PCDH15: variants seen among roughly 807,000 people sequenced by gnomAD.
PCDH15 encodes protocadherin related 15.
In PCDH15, 129 loss-of-function variants were observed where a neutral mutation model predicts 178.5. That is an observed-to-expected ratio of 0.72 (90% CI 0.63 to 0.84). The LOEUF (loss-of-function observed/expected upper bound fraction) is 0.84. PCDH15 is among the 40% of genes least tolerant of loss of function. The pLI is 0.00. For synonymous variants in PCDH15, 800 were observed against 732.0 expected (o/e 1.09, Z -1.50); for missense variants, 2,230 against 2,099.9 (o/e 1.06, Z -1.21).
intron 2 of PCDH15, among the ~76,000 whole-genome samples, chr10:55,561,818 G>A (rs976111671): frequency 2.0e-5 from 3 of 151,930 alleles, no homozygotes; most frequent in African/African-American, 7.2e-5. Context: ...AAAGAAAGTA[G>A]CATGGTTAGT....
At chr10:54,394,399 G>A (rs549845245) in intron 3 of PCDH15, among the ~76,000 whole-genome samples, 8 of 152,062 alleles carry the variant, frequency 5.3e-5, no homozygotes, top group African/African-American at 7.2e-5. Flanking sequence ...AAACCTGGGC[G>A]TCCAGGGGAG....
chr10:54,107,479 C>T (rs960254163), intron 15 of PCDH15, among the ~76,000 whole-genome samples: 6 of 152,128 alleles, frequency 3.9e-5, no homozygotes, highest in Non-Finnish European at 8.8e-5. Context: ...GTGGCAGCAA[C>T]GTGCACAGCA....
At chr10:54,694,278 TA>T (rs2095181052) in intron 1 of PCDH15, among the ~76,000 whole-genome samples, 1 of 152,190 alleles carries the variant, frequency 6.6e-6, no homozygotes, top group Non-Finnish European at 1.5e-5. Flanking sequence ...AATGTTCAGA[TA>T]AATTTATAGA....
chr10:55,092,581 T>C (rs929088287), intron 2 of PCDH15, among the ~76,000 whole-genome samples: 4 of 151,954 alleles, frequency 2.6e-5, no homozygotes, highest in Admixed American at 6.6e-5. Flanking sequence ...CACATTTGAA[T>C]AAACTGCCTT....
intron 2 of PCDH15, among the ~76,000 whole-genome samples, chr10:55,383,838 A>G (rs928903513): frequency 5.3e-5 from 8 of 152,144 alleles, no homozygotes; most frequent in Admixed American, 2.0e-4. Flanking sequence ...TTTTCCTCTT[A>G]TATCTGAAGA....
chr10:55,550,387 A>G (rs1431003896), intron 2 of PCDH15, among the ~76,000 whole-genome samples: 1 of 152,124 alleles, frequency 6.6e-6, no homozygotes, highest in Non-Finnish European at 1.5e-5. Context: ...CCTAGGGACA[A>G]TAAGAGATTT....
At chr10:55,083,267 T>C (rs558690707) in intron 2 of PCDH15, among the ~76,000 whole-genome samples, 2 of 151,980 alleles carry the variant, frequency 1.3e-5, no homozygotes, top group South Asian at 4.1e-4. Flanking sequence ...TTAATCAGCA[T>C]GATACCTCAT....
chr10:54,327,259 C>T (rs1938332556), intron 7 of PCDH15, among the ~76,000 whole-genome samples: 1 of 151,864 alleles, frequency 6.6e-6, no homozygotes, highest in Admixed American at 6.6e-5. Context: ...TCTACCTTTT[C>T]TTCACATCTT....
At chr10:55,415,111 CTT>C (rs1455152409) in intron 2 of PCDH15, among the ~76,000 whole-genome samples, 1 of 151,468 alleles carries the variant, frequency 6.6e-6, no homozygotes, top group African/African-American at 2.4e-5. Context: ...TAACAAGAGA[CTT>C]TATTATGAAA....
At chr10:54,934,783 T>C (rs531027382) in intron 2 of PCDH15, among the ~76,000 whole-genome samples, 2 of 151,922 alleles carry the variant, frequency 1.3e-5, no homozygotes, top group African/African-American at 4.8e-5. Context: ...TGCACACGTA[T>C]GTTTATTGCG....
At chr10:55,020,095 C>T (rs1425856047) in intron 2 of PCDH15, among the ~76,000 whole-genome samples, 1 of 147,778 alleles carries the variant, frequency 6.8e-6, no homozygotes, top group Non-Finnish European at 1.5e-5. Context: ...TTCTCCCTCT[C>T]TCTATATATA....
At chr10:55,309,468 G>A (rs1843520507) in intron 1 of PCDH15, among the ~76,000 whole-genome samples, 1 of 151,330 alleles carries the variant, frequency 6.6e-6, no homozygotes, top group African/African-American at 2.4e-5. Flanking sequence ...AGCGAGCTAT[G>A]ATCATGCCAC....
At position 53,920,902 on chromosome 10, in the gene PCDH15, AAC is replaced by A. The variant is rs60647561; in HGVS notation, c.3374-17534_3374-17533del. On this transcript the variant is annotated intron_variant, in intron 25 of 37. Transcript: ENST00000644397. ...AATAAAGAGAGAAGTGGCCTTGAAAAACACAGTCTAATTATTATTTATCTATA... is the reference window on the plus strand; with the variant it reads ...AATAAAGAGAGAAGTGGCCTTGAAAAACAGTCTAATTATTATTTATCTATA... Among the ~76,000 whole-genome samples, 800 of 152,304 alleles carry A rather than the reference AAC, an allele frequency of 5.3e-3. 9 individuals carry two copies. Among genetic ancestry groups the A allele is most frequent in the African/African-American group, 0.018 (748 of 41,568 alleles).
chr10:54,195,953 AC>A (rs2049584079), intron 10 of PCDH15, 64 bp from the exon 11 acceptor site: 4 of 1,443,458 alleles, frequency 2.8e-6, no homozygotes, highest in Non-Finnish European at 3.9e-6. Context: ...TTGGAGTTTC[AC>A]TTTTCATGCA....
intron 2 of PCDH15, among the ~76,000 whole-genome samples, chr10:55,373,428 A>T (rs572849752): frequency 1.2e-4 from 18 of 152,254 alleles, no homozygotes; most frequent in African/African-American, 4.3e-4. Context: ...AGGTGCAAAT[A>T]GGGATATAAT....
chr10:54,117,249 G>C (rs1034100952), intron 15 of PCDH15, among the ~76,000 whole-genome samples: 3 of 149,038 alleles, frequency 2.0e-5, no homozygotes, highest in African/African-American at 7.4e-5. Context: ...TGCTACAAGA[G>C]GGCAGGCAGC....
intron 27 of PCDH15, among the ~76,000 whole-genome samples, chr10:53,864,945 C>A (rs1321256387): frequency 2.6e-5 from 4 of 152,042 alleles, no homozygotes; most frequent in Non-Finnish European, 5.9e-5. Flanking sequence ...CGTCATGTAA[C>A]AATACTATAG....
chr10:54,804,302 G>C (rs1223724396), upstream of PCDH15, among the ~76,000 whole-genome samples: 1 of 152,192 alleles, frequency 6.6e-6, no homozygotes, highest in Non-Finnish European at 1.5e-5. Context: ...GCCTCCCAAA[G>C]TGCTGGGATT....
chr10:55,307,152 T>C (rs1426804201), intron 1 of PCDH15, among the ~76,000 whole-genome samples: 1 of 151,994 alleles, frequency 6.6e-6, no homozygotes, highest in Non-Finnish European at 1.5e-5. Context: ...ATATCAGATA[T>C]TTTAAAAATT....
Sources: allele counts gnomAD v4.1 joint callset (sites outside exome capture counted in the v4.1 genomes callset), GRCh38; gene constraint gnomAD v4.1.1; transcripts MANE v1.5; gene names NCBI Gene and HGNC (gene_info 2026-07-23, HGNC 2026-07-21).